ANK2: variants seen among roughly 807,000 people sequenced by gnomAD.
ANK2 encodes the protein ankyrin-2.
Under a neutral mutation model 360.5 loss-of-function variants are expected in ANK2, and 83 were observed. That is an observed-to-expected ratio of 0.23 (90% CI 0.19 to 0.28). The LOEUF (loss-of-function observed/expected upper bound fraction) is 0.28, where lower values mean the gene tolerates loss of function less well. Among genes scored for constraint, ANK2 ranks in the 10% least tolerant of loss-of-function variants. The probability of loss-of-function intolerance (pLI) is 1.00; values close to 1 mark genes in which losing one functional copy is unlikely to be tolerated. For missense variants in ANK2, 4,201 were observed against 4,795.7 expected (o/e 0.88, Z 3.66); for synonymous variants, 1,740 against 1,759.5 (o/e 0.99, Z 0.28).
chr4:113,099,811 T>C (rs778734558), intron 1 of ANK2, among the ~76,000 whole-genome samples: 3 of 152,004 alleles, frequency 2.0e-5, no homozygotes, highest in Admixed American at 6.6e-5. Flanking sequence ...AAGCCCAGAA[T>C]AGATACACAC....
chr4:113,028,733 G>T (rs779052525), intron 2 of ANK2, among the ~76,000 whole-genome samples: 1 of 151,922 alleles, frequency 6.6e-6, no homozygotes, highest in Non-Finnish European at 1.5e-5. Context: ...GCAGGTTTTG[G>T]GATAAGAAAC....
At position 113,341,877 on chromosome 4, in the gene ANK2, A is replaced by G; in HGVS notation, c.4083A>G (p.Gln1361=). The G allele has an allele frequency of 1.2e-6, 2 of 1,613,964 alleles. No homozygotes were observed. Among genetic ancestry groups the G allele is most frequent in the Non-Finnish European group, 1.7e-6 (2 of 1,180,014 alleles). The change falls in exon 33 of 46, where the codon CAA becomes CAG. Residue 1361 remains glutamine, a synonymous_variant. Coordinates refer to ENST00000357077, the MANE Select transcript of ANK2 (RefSeq NM_001148.6). ...DDKVDKTLEQ[Q]ENFAEVARSR... ...AAGTGGATAAGACCCTTGAACAACA[A>G]GAAAATTTTGCTGAGGTGGCCAGAA...
At chr4:113,310,752 G>T (rs866072173) in intron 23 of ANK2, among the ~76,000 whole-genome samples, 2 of 152,128 alleles carry the variant, frequency 1.3e-5, no homozygotes, top group Non-Finnish European at 2.9e-5. Flanking sequence ...TTGGCTTTTT[G>T]CAAGGGATCC....
the ANK2 span, among the ~76,000 whole-genome samples, chr4:112,807,410 G>C: frequency 2.6e-5 from 4 of 152,322 alleles, no homozygotes; most frequent in South Asian, 8.3e-4. Context: ...ACAGTTTCAG[G>C]TTGTAAGGAA....
chr4:112,957,675 G>C (rs1227887429), intron 2 of ANK2, among the ~76,000 whole-genome samples: 828 of 129,020 alleles, frequency 6.4e-3, no homozygotes, highest in African/African-American at 6.9e-3. Flanking sequence ...CGGACGGGGC[G>C]GCTGGCTGGG....
At chr4:112,806,456 A>G in the ANK2 span, among the ~76,000 whole-genome samples, 1 of 152,184 alleles carries the variant, frequency 6.6e-6, no homozygotes, top group Admixed American at 6.5e-5. Context: ...TCATCCACTG[A>G]TGAATACTTA....
chr4:113,381,251 A>G (rs2097162712), intron 45 of ANK2, among the ~76,000 whole-genome samples: 1 of 152,240 alleles, frequency 6.6e-6, no homozygotes, highest in African/African-American at 2.4e-5. Flanking sequence ...ACATTTTAAA[A>G]AAATCTCATG....
intron 9 of ANK2, among the ~76,000 whole-genome samples, chr4:113,245,858 A>G (rs6533677): frequency 0.97 from 146,935 of 152,134 alleles, 71,008 homozygotes; most frequent in East Asian, 1. Context: ...AGGCTGGAGT[A>G]CAATAGTGCG....
chr4:112,819,852 G>C (rs1353195838), intron 1 of ANK2, among the ~76,000 whole-genome samples: 1 of 152,240 alleles, frequency 6.6e-6, no homozygotes, highest in South Asian at 2.1e-4. Context: ...GCCATTTCTT[G>C]TAGACGAGCA....
chr4:113,039,358 T>C (rs948261549), intron 2 of ANK2, among the ~76,000 whole-genome samples: 15 of 152,022 alleles, frequency 9.9e-5, no homozygotes, highest in Admixed American at 9.8e-4. Context: ...TTAATCCTTT[T>C]TTGCCTTCTT....
At chr4:112,907,746 G>A (rs2085736129) in intron 2 of ANK2, among the ~76,000 whole-genome samples, 2 of 152,048 alleles carry the variant, frequency 1.3e-5, no homozygotes, top group South Asian at 2.1e-4. Context: ...GATAATTTTA[G>A]TGATAGTATA....
chr4:112,802,793 G>T, the ANK2 span, among the ~76,000 whole-genome samples: 1 of 152,070 alleles, frequency 6.6e-6, no homozygotes, highest in Non-Finnish European at 1.5e-5. Flanking sequence ...AAAACGATAC[G>T]CCTCAAACTA....
At chr4:113,200,398 G>A (rs1452744482) in intron 4 of ANK2, among the ~76,000 whole-genome samples, 9 of 152,150 alleles carry the variant, frequency 5.9e-5, no homozygotes, top group Admixed American at 1.3e-4. Context: ...ACATGTGCAC[G>A]TTTGTTACAT....
Position 113,318,517 on chromosome 4 carries a change from G to A in ANK2, c.2797G>A (p.Val933Met). ...DDSVVIPSHQ[V>M]STLAKEAERN... ...TCAATCCAGTGTTCTTTGTGTTTAG[G>A]TGTCAACTCTAGCCAAGGAGGCAGA... is the stretch of plus-strand genomic sequence containing the variant. Residue 933 changes from valine (V) to methionine (M), a missense_variant and splice_region_variant, in exon 26 of 46, where the codon GTG becomes ATG. Coordinates refer to ENST00000357077, the MANE Select transcript of ANK2 (RefSeq NM_001148.6). The A allele has an allele frequency of 1.9e-6, 3 of 1,612,502 alleles. No homozygotes were observed. Among genetic ancestry groups the A allele is most frequent in the Non-Finnish European group, 2.5e-6 (3 of 1,178,960 alleles).
rs1041763038 is a variant in ANK2, at chr4:113,292,291, T to A, written c.2278-125T>A. The A allele has an allele frequency of 3.0e-5, 27 of 886,738 alleles. No homozygotes were observed. In the Admixed American group the frequency reaches 5.2e-4, roughly 17 times the overall value. 54.9% of individuals were successfully genotyped at this position (886,738 alleles called of 1,614,324 possible). On this transcript the variant is annotated intron_variant, in intron 20 of 45. Transcript: ENST00000357077. ...CTGAGAAATGGGTTGCTGATCATCTTGGGCTCCAAATAAAGCATCTGTGAT... is the reference window on the plus strand; with the variant it reads ...CTGAGAAATGGGTTGCTGATCATCTAGGGCTCCAAATAAAGCATCTGTGAT...
At chr4:113,305,136 C>G (rs1005795505) in intron 23 of ANK2, among the ~76,000 whole-genome samples, 1 of 151,138 alleles carries the variant, frequency 6.6e-6, no homozygotes, top group Non-Finnish European at 1.5e-5. Flanking sequence ...GTCAGGAGAT[C>G]GAGACCATCC....
intron 1 of ANK2, among the ~76,000 whole-genome samples, chr4:113,168,798 G>A (rs1438233429): frequency 6.6e-6 from 1 of 152,200 alleles, no homozygotes; most frequent in Non-Finnish European, 1.5e-5. Context: ...CAATAATAAT[G>A]TGAGCTAATG....
At chr4:112,732,158 G>T in the ANK2 span, among the ~76,000 whole-genome samples, 39 of 151,768 alleles carry the variant, frequency 2.6e-4, no homozygotes, top group Non-Finnish European at 4.4e-5. Context: ...ACCACTGGGT[G>T]TATCAGCTCA....
intron 19 of ANK2, among the ~76,000 whole-genome samples, chr4:113,288,168 T>A (rs1034744221): frequency 1.7e-4 from 26 of 152,208 alleles, no homozygotes; most frequent in Admixed American, 1.4e-3. Flanking sequence ...GCCTCTCTCT[T>A]AGTTCTTTGC....
Sources: allele counts gnomAD v4.1 joint callset (sites outside exome capture counted in the v4.1 genomes callset), GRCh38; gene constraint gnomAD v4.1.1; transcripts MANE v1.5; gene names NCBI Gene and HGNC (gene_info 2026-07-23, HGNC 2026-07-21).